Variants in ATRNL1 observed in about 807,000 individuals in gnomAD.
The protein encoded by ATRNL1 is attractin like 1.
A neutral mutation model predicts 182.7 loss-of-function variants in ATRNL1; 95 were observed. The observed-to-expected ratio is 0.52, with a 90% CI of 0.44 to 0.62. The LOEUF (loss-of-function observed/expected upper bound fraction) is 0.62. ATRNL1 is among the 20% of genes least tolerant of loss of function. ATRNL1 has a pLI of 0.00. For missense variants in ATRNL1, 1,471 were observed against 1,679.5 expected (o/e 0.88, Z 2.17); for synonymous variants, 576 against 568.3 (o/e 1.01, Z -0.19).
At chr10:115,177,797 A>G (rs1425707375) in intron 8 of ATRNL1, among the ~76,000 whole-genome samples, 1 of 150,890 alleles carries the variant, frequency 6.6e-6, no homozygotes, top group African/African-American at 2.4e-5. Context: ...GAAAATGTTT[A>G]TAGAGATAAG....
At chr10:115,685,859 TTA>T (rs1221717126) in intron 26 of ATRNL1, among the ~76,000 whole-genome samples, 1 of 151,738 alleles carries the variant, frequency 6.6e-6, no homozygotes, top group African/African-American at 2.4e-5. Flanking sequence ...AAAATTTTTC[TTA>T]GTTTTTAAAT....
chr10:115,940,053 G>T (rs1555123814), intron 28 of ATRNL1, among the ~76,000 whole-genome samples: 1 of 152,144 alleles, frequency 6.6e-6, no homozygotes, highest in Non-Finnish European at 1.5e-5. Context: ...TATGTATTCT[G>T]AGCTTGCTAT....
chr10:115,653,766 G>A (rs564129496), intron 26 of ATRNL1, among the ~76,000 whole-genome samples: 4 of 152,092 alleles, frequency 2.6e-5, no homozygotes, highest in South Asian at 4.1e-4. Flanking sequence ...TGCAAATATT[G>A]TGTCTTATTT....
At chr10:115,268,278 A>C (rs781832523) in intron 12 of ATRNL1, 48 bp from the exon 13 acceptor site, 15 of 1,061,362 alleles carry the variant, frequency 1.4e-5, no homozygotes, top group Non-Finnish European at 2.2e-5. Flanking sequence ...TAAGAAGAGT[A>C]AGATTTTCTT....
intron 21 of ATRNL1, among the ~76,000 whole-genome samples, chr10:115,432,874 C>T (rs1305030246): frequency 1.3e-5 from 2 of 151,424 alleles, no homozygotes; most frequent in East Asian, 1.9e-4. Context: ...CAAAGAAAAC[C>T]TTAAAAATGA....
intron 19 of ATRNL1, among the ~76,000 whole-genome samples, chr10:115,343,250 G>C (rs192594902): frequency 2.0e-5 from 3 of 152,066 alleles, no homozygotes; most frequent in African/African-American, 4.8e-5. Flanking sequence ...TTAAGACCAC[G>C]AACTCTTAGA....
intron 27 of ATRNL1, chr10:115,819,950 G>A (rs1333889926): frequency 1.3e-5 from 2 of 151,898 alleles, no homozygotes; most frequent in African/African-American, 2.4e-5. Context: ...ATAGGACTAG[G>A]TGGGAGAGGT....
At chr10:115,163,132 C>T (rs1554883639) in intron 6 of ATRNL1, among the ~76,000 whole-genome samples, 1 of 149,100 alleles carries the variant, frequency 6.7e-6, no homozygotes, top group African/African-American at 2.5e-5. Flanking sequence ...TGTTTGTGTG[C>T]TGATGGCAAA....
rs199717810 is a variant in ATRNL1 at position 115,160,159 on chromosome 10, A to G, written c.949A>G (p.Met317Val). 1.2e-6 allele frequency: 2 copies of G among 1,612,598 alleles called. No homozygotes were observed. Among genetic ancestry groups the G allele is most frequent in the African/African-American group, 2.7e-5 (2 of 74,788 alleles). The part of the protein sequence containing the change: ...SHKAVLHGKF[M>V]WVIGGYTFNY... ...TAAAGCAGTTTTACACGGGAAATTT[A>G]TGTGGGTGATTGGTGGATATACTTT... The change falls in exon 6 of 29, where the codon ATG becomes GTG. Residue 317 changes from methionine (M) to valine (V), a missense_variant. Met to Val is a conservative substitution (Grantham distance 21, BLOSUM62 1). Around this residue, in one of 3 missense-constraint regions of ATRNL1, gnomAD observed 1,031 missense variants for 1,156.0 expected, o/e 0.89. Transcript: ENST00000355044.
chr10:115,921,818 C>T (rs1213619842), intron 28 of ATRNL1, among the ~76,000 whole-genome samples: 1 of 152,140 alleles, frequency 6.6e-6, no homozygotes, highest in African/African-American at 2.4e-5. Flanking sequence ...ATGGGATTAT[C>T]CCAATTTACA....
At chr10:115,773,503 T>C (rs1334968477) in intron 27 of ATRNL1, among the ~76,000 whole-genome samples, 1 of 152,226 alleles carries the variant, frequency 6.6e-6, no homozygotes, top group African/African-American at 2.4e-5. Context: ...GTCTCACTAG[T>C]AATATATAAG....
At chr10:115,848,250 T>C (rs1950975431) in intron 28 of ATRNL1, among the ~76,000 whole-genome samples, 2 of 152,190 alleles carry the variant, frequency 1.3e-5, no homozygotes, top group African/African-American at 2.4e-5. Context: ...TGTATGTATG[T>C]TCCCATTAAT....
chr10:115,635,100 A>T (rs1346845632), intron 26 of ATRNL1, among the ~76,000 whole-genome samples: 2 of 152,154 alleles, frequency 1.3e-5, no homozygotes, highest in Non-Finnish European at 2.9e-5. Flanking sequence ...TCTAAATGAG[A>T]CTTTTCAAAT....
At chr10:115,278,716 T>C (rs1592369959) in intron 13 of ATRNL1, among the ~76,000 whole-genome samples, 1 of 152,214 alleles carries the variant, frequency 6.6e-6, no homozygotes, top group Non-Finnish European at 1.5e-5. Flanking sequence ...TTTTGAGAAA[T>C]TGACCAAAAA....
chr10:115,203,063 G>T (rs1848651132), intron 8 of ATRNL1, among the ~76,000 whole-genome samples: 1 of 152,084 alleles, frequency 6.6e-6, no homozygotes, highest in Non-Finnish European at 1.5e-5. Context: ...GTATTTCTGT[G>T]GGATCGTTTA....
Position 115,238,984 on chromosome 10 carries a change from C to T in ATRNL1, c.1533-2587C>T, listed in dbSNP as rs369890660. ...CTTTTTCTCCATCTATTGATATGATCATATGATTTTCTTTGTTAGCTTATC... is the reference window on the plus strand; with the variant it reads ...CTTTTTCTCCATCTATTGATATGATTATATGATTTTCTTTGTTAGCTTATC... On this transcript the variant is annotated intron_variant, in intron 9 of 28. Coordinates refer to ENST00000355044, the MANE Select transcript of ATRNL1 (RefSeq NM_207303.4). Among the ~76,000 whole-genome samples the T allele has an allele frequency of 1.2e-3, 177 of 152,154 alleles. 2 individuals are homozygous for T. The highest frequency in any genetic ancestry group is 3.5e-3 in the African/African-American group (147 of 41,512).
intron 1 of ATRNL1, among the ~76,000 whole-genome samples, chr10:115,110,351 A>C (rs149410274): frequency 1.3e-5 from 2 of 152,334 alleles, no homozygotes; most frequent in African/African-American, 2.4e-5. Flanking sequence ...TGGATTTGAC[A>C]TGCTAATGCT....
intron 5 of ATRNL1, among the ~76,000 whole-genome samples, chr10:115,158,688 G>A (rs1846637596): frequency 6.6e-6 from 1 of 151,744 alleles, no homozygotes; most frequent in Admixed American, 6.6e-5. Flanking sequence ...AAACTGTATG[G>A]GTCAATATTT....
intron 21 of ATRNL1, among the ~76,000 whole-genome samples, chr10:115,455,538 G>A (rs1249806903): frequency 6.6e-6 from 1 of 152,100 alleles, no homozygotes; most frequent in Non-Finnish European, 1.5e-5. Flanking sequence ...ATCCCTAGAA[G>A]AAAACCTAGG....
Sources: gnomAD v4.1 joint callset for allele counts (sites outside exome capture counted in the v4.1 genomes callset) on GRCh38, gnomAD v4.1.1 for gene constraint, gnomAD v4.1.1 regional missense constraint, MANE v1.5 for transcripts, NCBI Gene and HGNC (gene_info 2026-07-23, HGNC 2026-07-21) for gene names.